The following PSMD11 variants were observed in gnomAD, a reference collection of about 807,000 sequenced individuals.
PSMD11 encodes the protein 26S proteasome non-ATPase regulatory subunit 11.
PSMD11 carries 5 observed loss-of-function variants against 62.3 expected under a neutral mutation model. The ratio of observed to expected loss-of-function variants is 0.08; its 90% confidence interval spans 0.04 to 0.17. The LOEUF (loss-of-function observed/expected upper bound fraction) is 0.17. PSMD11 is among the 10% of genes least tolerant of loss of function. The pLI is 1.00. For missense variants in PSMD11, 310 were observed against 512.9 expected, an observed-to-expected ratio of 0.60 and a Z score of 3.82; for synonymous variants, 191 against 191.8, an observed-to-expected ratio of 1.00 and a Z score of 0.03.
intron 6 of PSMD11, among the ~76,000 whole-genome samples, chr17:32,470,619 C>A (rs1477195427): frequency 1.3e-5 from 2 of 152,260 alleles, no homozygotes; most frequent in African/African-American, 4.8e-5. Context: ...CCTCATGTGC[C>A]AGCCATGACA....
Position 32,482,980 on chromosome 17 carries a change from C to G in PSMD11, c.*2228C>G, listed in dbSNP as rs972685242. ...ACTTTAAAAAGTACTCCAAAGAGATCTAGTTTTGGAGTAGAGGGGAGATGT... is the reference window on the plus strand; with the variant it reads ...ACTTTAAAAAGTACTCCAAAGAGATGTAGTTTTGGAGTAGAGGGGAGATGT... On this transcript the variant is annotated 3_prime_UTR_variant, in exon 14 of 14. Transcript: ENST00000261712. 5 of 152,216 alleles carry G rather than the reference C, an allele frequency of 3.3e-5. No individual in the cohort carries two copies. The highest frequency in any genetic ancestry group is 7.3e-5 in the Non-Finnish European group (5 of 68,042). The allele number at this position is 152,216 out of a possible 1,614,324, so 9.4% of individuals were successfully genotyped here.
intron 6 of PSMD11, among the ~76,000 whole-genome samples, chr17:32,469,949 G>A (rs1908112819): frequency 6.6e-6 from 1 of 151,960 alleles, no homozygotes; most frequent in Admixed American, 6.6e-5. Context: ...GTAATAATTG[G>A]CACATGATAG....
At chr17:32,459,115 C>CATACATAT (rs1555616118) in intron 3 of PSMD11, among the ~76,000 whole-genome samples, 1 of 111,882 alleles carries the variant, frequency 8.9e-6, no homozygotes. Context: ...AAAAAAAATA[C>CATACATAT]ATATATATAT....
intron 2 of PSMD11, among the ~76,000 whole-genome samples, chr17:32,450,309 C>T (rs1332891001): frequency 1.3e-5 from 2 of 151,256 alleles, no homozygotes; most frequent in African/African-American, 4.9e-5. Flanking sequence ...GGCTGGAGTG[C>T]AGTGGTGTGA....
intron 13 of PSMD11, 59 bp downstream of exon 13, chr17:32,480,690 T>G (rs577381566): frequency 4.4e-6 from 7 of 1,581,170 alleles, no homozygotes; most frequent in South Asian, 1.1e-5. Context: ...GTGTCGAGAC[T>G]GAAAACCTCC....
chr17:32,477,541 G>A lies in PSMD11; in HGVS notation c.870G>A (p.Val290=). ...AGRQTEALKC[V]AQASKNRSLA... ...CTCAGACAGAAGCATTAAAATGCGT[G>A]GCTCAGGCTAGCAAGAACAGATCAC... Residue 290 remains valine (V), a synonymous_variant, in exon 9 of 14, where the codon GTG becomes GTA. Coordinates refer to ENST00000261712, the MANE Select transcript of PSMD11 (RefSeq NM_002815.4). 6.2e-7 allele frequency: 1 copy of A among 1,607,872 alleles called. No homozygotes were observed. The highest frequency in any genetic ancestry group is 8.5e-7 in the Non-Finnish European group (1 of 1,177,456).
rs1244279378 is a variant in PSMD11, at chr17:32,456,805, AC to A, written c.318+2188del. On this transcript the variant is annotated intron_variant, in intron 3 of 13. Coordinates refer to ENST00000261712, the MANE Select transcript of PSMD11 (RefSeq NM_002815.4). ...CTCGGCCTCCCAAAATGCTGGGATT[AC>A]CGGCGTGAGCCACCGTGCCTGGCCC... 5.3e-5 allele frequency among the ~76,000 whole-genome samples: 8 copies of A among 152,172 alleles called. No homozygotes were observed. In the East Asian group the frequency reaches 1.5e-3, roughly 29 times the overall value.
At chr17:32,479,925 C>CGAGGA in intron 11 of PSMD11, 39 bp downstream of exon 11, 1 of 1,602,184 alleles carries the variant, frequency 6.2e-7, no homozygotes, top group Non-Finnish European at 8.6e-7. Context: ...AGGAATGGGA[C>CGAGGA]GGGGTGGCGA....
chr17:32,460,899 G>A (rs542831180), intron 3 of PSMD11, among the ~76,000 whole-genome samples: 1 of 152,080 alleles, frequency 6.6e-6, no homozygotes, highest in Admixed American at 6.6e-5. Flanking sequence ...CGGGGAGTGA[G>A]AGAGTGAGGA....
At chr17:32,448,376 T>C (rs1315908580) in intron 2 of PSMD11, among the ~76,000 whole-genome samples, 1 of 151,878 alleles carries the variant, frequency 6.6e-6, no homozygotes, top group Non-Finnish European at 1.5e-5. Flanking sequence ...TTAATTATTA[T>C]TATTTTTGAG....
intron 2 of PSMD11, chr17:32,447,311 T>C: frequency 2.9e-6 from 1 of 346,430 alleles, no homozygotes; most frequent in Non-Finnish European, 5.2e-6. Context: ...ATTCTCACTG[T>C]ATTCCCTTAC....
intron 2 of PSMD11, 82 bp downstream of exon 2, chr17:32,447,128 C>A: frequency 9.2e-7 from 1 of 1,083,464 alleles, no homozygotes; most frequent in Non-Finnish European, 1.3e-6. Flanking sequence ...TGGGACTGAT[C>A]CACAAACTGA....
At chr17:32,478,786 A>G (rs1047732184) in intron 9 of PSMD11, among the ~76,000 whole-genome samples, 1 of 151,946 alleles carries the variant, frequency 6.6e-6, no homozygotes, top group Non-Finnish European at 1.5e-5. Flanking sequence ...TTGTGTAGCT[A>G]ATTTGGTTCA....
At chr17:32,458,454 A>G (rs1687567387) in intron 3 of PSMD11, among the ~76,000 whole-genome samples, 2 of 152,114 alleles carry the variant, frequency 1.3e-5, no homozygotes, top group Admixed American at 1.3e-4. Flanking sequence ...GTCTTATCTC[A>G]AGTTCTACCT....
chr17:32,471,075 G>T (rs1908150113), intron 6 of PSMD11, among the ~76,000 whole-genome samples: 1 of 152,180 alleles, frequency 6.6e-6, no homozygotes, highest in African/African-American at 2.4e-5. Context: ...CATGTATCTC[G>T]ATGTGAAAGA....
At chr17:32,467,223 G>A (rs923748703) in intron 5 of PSMD11, among the ~76,000 whole-genome samples, 10 of 136,368 alleles carry the variant, frequency 7.3e-5, no homozygotes, top group East Asian at 2.2e-4. Context: ...GATTACAGGC[G>A]TGAGCCACCA....
Position 32,463,745 on chromosome 17 carries a change from CT to C in PSMD11, c.319-303del, listed in dbSNP as rs1907911745. On this transcript the variant is annotated intron_variant, in intron 3 of 13. Coordinates refer to ENST00000261712, the MANE Select transcript of PSMD11 (RefSeq NM_002815.4). The stretch of plus-strand genomic sequence containing the variant: ...AAAATTCCTAATCTGTCATAGAAAT[CT>C]ACATTCCAGGTCTATACATGTTGTT... Among the ~76,000 whole-genome samples, 3 of 152,340 alleles carry C rather than the reference CT, an allele frequency of 2.0e-5. No homozygotes were observed. The South Asian group carries it at 6.2e-4, about 32-fold the overall frequency.
chr17:32,464,530 G>T lies in PSMD11; in HGVS notation c.400G>T (p.Val134Leu), dbSNP rs765324158. Residue 134 changes from valine to leucine, a missense_variant, in exon 5 of 14, where the codon GTG (valine) becomes TTG (leucine). By Grantham distance (32) the Val-to-Leu change is conservative. This residue lies in a region of PSMD11 where 47 missense variants were observed against 59.0 expected (regional missense o/e 0.80). Coordinates refer to ENST00000261712, the MANE Select transcript of PSMD11 (RefSeq NM_002815.4). ...FLRQALEARL[V>L]SLYFDTKRYQ... ...CTTTTCTCTTTCCTAGGCAAGACTG[G>T]TGTCTTTGTACTTTGATACCAAGAG... 6.2e-7 allele frequency: 1 copy of T among 1,606,006 alleles called. No homozygotes were observed. Among genetic ancestry groups the T allele is most frequent in the African/African-American group, 1.3e-5 (1 of 74,776 alleles).
At chr17:32,447,290 C>CTGGTT in intron 2 of PSMD11, 1 of 392,938 alleles carries the variant, frequency 2.5e-6, no homozygotes, top group Non-Finnish European at 4.5e-6. Flanking sequence ...TGATTTGTTT[C>CTGGTT]TGGTTTTTGA....
Sources: gnomAD v4.1 joint callset for allele counts (sites outside exome capture counted in the v4.1 genomes callset) on GRCh38, gnomAD v4.1.1 for gene constraint, gnomAD v4.1.1 regional missense constraint, MANE v1.5 for transcripts, NCBI Gene and HGNC (gene_info 2026-07-23, HGNC 2026-07-21) for gene names.